The following ADAM9 variants were observed in gnomAD, a reference collection of about 807,000 sequenced individuals.
ADAM9 encodes ADAM metallopeptidase domain 9.
A neutral mutation model predicts 108.1 loss-of-function variants in ADAM9; 54 were observed. That is an observed-to-expected ratio of 0.50 (90% CI 0.40 to 0.63). The LOEUF (loss-of-function observed/expected upper bound fraction) is 0.63, where lower values mean the gene tolerates loss of function less well. Among genes scored for constraint, ADAM9 ranks in the 20% least tolerant of loss-of-function variants. The probability of loss-of-function intolerance (pLI) is 0.00; values close to 1 mark genes in which losing one functional copy is unlikely to be tolerated. For synonymous variants in ADAM9, 316 were observed against 336.0 expected (o/e 0.94, Z 0.65); for missense variants, 830 against 997.7 (o/e 0.83, Z 2.26).
chr8:39,067,570 C>T lies in ADAM9; in HGVS notation c.1592-3728C>T, dbSNP rs572971372. Among the ~76,000 whole-genome samples, 5 of 152,294 alleles carry T rather than the reference C, an allele frequency of 3.3e-5. No homozygotes were observed. In the East Asian group the frequency reaches 7.7e-4, roughly 24 times the overall value. Reference sequence around the variant, plus strand: ...TCTCTGTTATTGGTGTATAAGAATGCTTGTGATTTTTGCACATTGATTTTG... The same window carrying T: ...TCTCTGTTATTGGTGTATAAGAATGTTTGTGATTTTTGCACATTGATTTTG... On this transcript the variant is annotated intron_variant, in intron 14 of 21. Transcript: ENST00000487273.
chr8:39,022,139 G>C (rs1195232544), intron 8 of ADAM9, among the ~76,000 whole-genome samples: 4 of 151,676 alleles, frequency 2.6e-5, no homozygotes, highest in Non-Finnish European at 5.9e-5. Flanking sequence ...TGTTTGGTTT[G>C]AGATTTTGGA....
rs76383964 is a variant in ADAM9, at chr8:39,075,450, T to C, written c.1698-1778T>C. On this transcript the variant is annotated intron_variant, in intron 15 of 21. Transcript: ENST00000487273. ...CCAGTTCCTGACCAGTGTTTCACTT[T>C]ATGGATGATCCTTGCCTGAAGCAAT... Among the ~76,000 whole-genome samples, 3 of 152,320 alleles carry C rather than the reference T, an allele frequency of 2.0e-5. No homozygotes were observed. In the East Asian group the frequency reaches 5.8e-4, roughly 29 times the overall value.
At chr8:39,098,912 G>A (rs1051335063) in intron 20 of ADAM9, among the ~76,000 whole-genome samples, 1 of 151,808 alleles carries the variant, frequency 6.6e-6, no homozygotes, top group Non-Finnish European at 1.5e-5. Flanking sequence ...CAGATGCTTG[G>A]GGGCATGGTC....
chr8:39,030,329 A>G (rs1837058693), intron 11 of ADAM9, among the ~76,000 whole-genome samples: 1 of 152,042 alleles, frequency 6.6e-6, no homozygotes, highest in South Asian at 2.1e-4. Flanking sequence ...TTTCCAGAAT[A>G]TCATATATTT....
At chr8:39,011,529 A>G in intron 2 of ADAM9, 129 bp from the exon 3 acceptor site, 1 of 778,570 alleles carries the variant, frequency 1.3e-6, no homozygotes. Context: ...AAGTTCTTCT[A>G]TTAAATAGTT....
chr8:39,016,822 G>A (rs1260924022), intron 5 of ADAM9, among the ~76,000 whole-genome samples: 1 of 152,166 alleles, frequency 6.6e-6, no homozygotes, highest in East Asian at 1.9e-4. Context: ...AAGTAATTTT[G>A]TTTTCAGAAC....
chr8:39,011,198 T>A (rs931255934), intron 2 of ADAM9, among the ~76,000 whole-genome samples: 1 of 152,102 alleles, frequency 6.6e-6, no homozygotes, highest in African/African-American at 2.4e-5. Flanking sequence ...GAAAAAAGCA[T>A]GTTTTAGAAT....
chr8:39,048,943 T>A (rs1002996148), intron 12 of ADAM9, among the ~76,000 whole-genome samples: 4 of 151,866 alleles, frequency 2.6e-5, no homozygotes, highest in African/African-American at 9.6e-5. Flanking sequence ...CATTCTTCAC[T>A]TTCAGCCTAT....
intron 11 of ADAM9, among the ~76,000 whole-genome samples, chr8:39,031,905 G>A (rs192699431): frequency 8.6e-4 from 131 of 152,284 alleles, no homozygotes; most frequent in African/African-American, 3.1e-3. Context: ...TGACAGTCAG[G>A]TCCCTCAGCT....
At position 39,056,749 on chromosome 8, in the gene ADAM9, T is replaced by C. The variant is rs1347758561; in HGVS notation, c.1591+977T>C. ...ACCTGTATATTGTTAACCATTGGCC[T>C]GATTGTGCCTTGAGTTGATTAGTGG... On this transcript the variant is annotated intron_variant, in intron 14 of 21. Coordinates refer to ENST00000487273, the MANE Select transcript of ADAM9 (RefSeq NM_003816.3). 2.6e-5 allele frequency among the ~76,000 whole-genome samples: 4 copies of C among 152,180 alleles called. No individual in the cohort carries two copies. The South Asian group carries it at 8.3e-4, about 31-fold the overall frequency.
At chr8:39,046,669 G>A (rs1210758023) in intron 12 of ADAM9, among the ~76,000 whole-genome samples, 2 of 152,114 alleles carry the variant, frequency 1.3e-5, no homozygotes, top group Non-Finnish European at 2.9e-5. Flanking sequence ...TTGCATGAAA[G>A]GGTGTAGAAT....
chr8:39,009,964 A>ACCC (rs550382857), intron 2 of ADAM9, among the ~76,000 whole-genome samples: 8,072 of 106,282 alleles, frequency 0.076, 461 homozygotes, highest in Non-Finnish European at 0.091. Flanking sequence ...ACAAAAACAA[A>ACCC]CCCCCCCCCC....
At chr8:39,025,452 A>G (rs746481849) in intron 9 of ADAM9, among the ~76,000 whole-genome samples, 17 of 152,308 alleles carry the variant, frequency 1.1e-4, no homozygotes, top group Non-Finnish European at 2.1e-4. Flanking sequence ...CCGTGTAAAC[A>G]TATTCATTTC....
chr8:39,045,344 ATGTGTGTACATACATATAGGTG>A (rs1463396819), intron 12 of ADAM9, among the ~76,000 whole-genome samples: 1 of 122,848 alleles, frequency 8.1e-6, no homozygotes, highest in Non-Finnish European at 1.7e-5. Context: ...ACACCTATAC[ATGTGTGTACATACATATAGGTG>A]TGTGTACATA....
chr8:39,040,458 C>A (rs916050672), intron 11 of ADAM9, among the ~76,000 whole-genome samples: 2 of 152,088 alleles, frequency 1.3e-5, no homozygotes, highest in African/African-American at 4.8e-5. Context: ...TTTTCATGCA[C>A]CTGTTGGCCA....
chr8:39,012,051 C>T (rs1268698873), intron 3 of ADAM9, among the ~76,000 whole-genome samples: 1 of 152,170 alleles, frequency 6.6e-6, no homozygotes, highest in African/African-American at 2.4e-5. Context: ...GTTCCACAGG[C>T]TACTTCTATG....
chr8:39,077,401 G>C lies in ADAM9; in HGVS notation c.1871G>C (p.Gly624Ala), dbSNP rs775262592. ...ATGGTTAACGAAGGCACAAAATGTG[G>C]TGCTGGAAAGGTAATCAAAATATTT... ...PGMVNEGTKC[G>A]AGKICRNFQC... Residue 624 changes from glycine (G) to alanine (A), a missense_variant, in exon 16 of 22, where the codon GGT (glycine) becomes GCT (alanine). Gly to Ala is a moderately conservative substitution (Grantham distance 60). Coordinates refer to ENST00000487273, the MANE Select transcript of ADAM9 (RefSeq NM_003816.3). The C allele has an allele frequency of 1.4e-5, 23 of 1,610,872 alleles. No homozygotes were observed. The highest frequency in any genetic ancestry group is 1.6e-4 in the Middle Eastern group (1 of 6,070).
chr8:39,084,327 G>A (rs2129442581), intron 18 of ADAM9, among the ~76,000 whole-genome samples: 1 of 150,566 alleles, frequency 6.6e-6, no homozygotes, highest in African/African-American at 2.4e-5. Flanking sequence ...TGGAGGATGA[G>A]GTCATCTTTT....
At chr8:39,072,309 A>C (rs1279175688) in intron 15 of ADAM9, among the ~76,000 whole-genome samples, 2 of 152,130 alleles carry the variant, frequency 1.3e-5, no homozygotes, top group Admixed American at 1.3e-4. Flanking sequence ...TACCCATTCT[A>C]CCTCCTATGC....
Sources: gnomAD v4.1 joint callset for allele counts (sites outside exome capture counted in the v4.1 genomes callset) on GRCh38, gnomAD v4.1.1 for gene constraint, MANE v1.5 for transcripts, NCBI Gene and HGNC (gene_info 2026-07-23, HGNC 2026-07-21) for gene names.